Variants in SYNE2 observed in about 807,000 individuals in gnomAD.
The protein encoded by SYNE2 is nesprin-2.
SYNE2 carries 431 observed loss-of-function variants against 856.3 expected under a neutral mutation model. That is an observed-to-expected ratio of 0.50 (90% CI 0.47 to 0.55). SYNE2 has a LOEUF of 0.55. Among genes scored for constraint, SYNE2 ranks in the 20% least tolerant of loss-of-function variants. SYNE2 has a pLI of 0.00. For synonymous variants in SYNE2, 2,923 were observed against 2,872.3 expected (o/e 1.02, Z -0.56); for missense variants, 8,129 against 8,023.2 (o/e 1.01, Z -0.50).
chr14:64,180,936 C>T (rs2098454978), intron 96 of SYNE2, among the ~76,000 whole-genome samples: 1 of 152,078 alleles, frequency 6.6e-6, no homozygotes, highest in South Asian at 2.1e-4. Context: ...ATTGCTGATG[C>T]CTAGAAATGT....
chr14:63,893,374 C>T (rs1007335930), intron 1 of SYNE2, among the ~76,000 whole-genome samples: 18 of 151,906 alleles, frequency 1.2e-4, no homozygotes, highest in Admixed American at 1.1e-3. Context: ...GCCTGGGCAA[C>T]ATTGTGAGAC....
In SYNE2 at chr14:64,075,926, A is replaced by G. The variant is rs367619083; in HGVS notation, c.10867-19A>G. The stretch of plus-strand genomic sequence containing the variant: ...TTCCCCCAGTCTCGTGAGTATTGCA[A>G]CTCTCTTAATGCTTTTAGGAGCTTC... On this transcript the variant is annotated intron_variant, in intron 53 of 115. Transcript: ENST00000555002. 97 of 1,613,152 alleles carry G rather than the reference A, an allele frequency of 6.0e-5. No individual in the cohort carries two copies. The Middle Eastern group carries it at 1.2e-3, about 20-fold the overall frequency.
At chr14:64,023,329 C>G (rs2096951913) in intron 38 of SYNE2, 1 of 160,452 alleles carries the variant, frequency 6.2e-6, no homozygotes. Flanking sequence ...ATAACTTGGC[C>G]TTTTTCCAAA....
intron 32 of SYNE2, among the ~76,000 whole-genome samples, chr14:64,011,829 C>T (rs2096848293): frequency 6.6e-6 from 1 of 152,174 alleles, no homozygotes; most frequent in African/African-American, 2.4e-5. Flanking sequence ...TAATAAACTT[C>T]TTCTTGTCAC....
chr14:63,834,554 C>T (rs1480327822), intron 1 of SYNE2, among the ~76,000 whole-genome samples: 1 of 152,030 alleles, frequency 6.6e-6, no homozygotes, highest in Non-Finnish European at 1.5e-5. Flanking sequence ...TCTCGAACTC[C>T]TGGCCTTAAG....
At chr14:64,081,674 G>A in intron 57 of SYNE2, 94 bp downstream of exon 57, 1 of 1,393,976 alleles carries the variant, frequency 7.2e-7, no homozygotes, top group South Asian at 1.2e-5. Flanking sequence ...CTCCTTTCCT[G>A]AAATACAACC....
intron 51 of SYNE2, among the ~76,000 whole-genome samples, chr14:64,068,705 CA>C (rs529092112): frequency 4.0e-5 from 6 of 150,890 alleles, no homozygotes; most frequent in African/African-American, 1.5e-4. Flanking sequence ...ACTAAAAATA[CA>C]AAAAAAATAG....
In SYNE2 at chr14:63,815,205, C is replaced by CATATATATATGGATATATATAT. The variant is rs1316734811; in HGVS notation, c.-304-37286_-304-37285insGGATATATATATATATATATAT. Among the ~76,000 whole-genome samples the CATATATATATGGATATATATAT allele has an allele frequency of 1.5e-3, 139 of 94,606 alleles. 12 individuals carry two copies. The highest frequency in any genetic ancestry group is 2.4e-3 in the Non-Finnish European group (112 of 46,068). 62.1% of individuals were successfully genotyped at this position (94,606 alleles called of 152,430 possible). ...CCATATATATATCCATATATATATC[C>CATATATATATGGATATATATAT]ATATATATATCCATATATATATCCA... On this transcript the variant is annotated intron_variant, in intron 1 of 23. Coordinates refer to the SYNE2 transcript ENST00000674003.
At chr14:63,953,662 A>C (rs1467060254) in intron 7 of SYNE2, among the ~76,000 whole-genome samples, 1 of 152,192 alleles carries the variant, frequency 6.6e-6, no homozygotes, top group African/African-American at 2.4e-5. Flanking sequence ...AACTACATTC[A>C]TATTGTTGTG....
rs71444641 is a variant in SYNE2, at chr14:64,049,429, A to AAATAATAATAATAAT, written c.7378-166_7378-152dup. ...ACCCTGCACTCCAGCCTGGGTGACA[A>AAATAATAATAATAAT]AATAATAATAATAATAATAATAATA... On this transcript the variant is annotated intron_variant, in intron 46 of 115. Transcript: ENST00000555002. The AAATAATAATAATAAT allele has an allele frequency of 6.7e-3, 1,138 of 169,686 alleles. 12 individuals carry two copies. The highest frequency in any genetic ancestry group is 0.027 in the African/African-American group (1,027 of 38,696). The allele number at this position is 169,686 out of a possible 1,614,324, so 10.5% of individuals were successfully genotyped here.
chr14:64,080,577 C>T lies in SYNE2; in HGVS notation c.11285C>T (p.Pro3762Leu). The change falls in exon 56 of 116, where the codon CCT (proline) becomes CTT (leucine). Residue 3762 changes from proline to leucine, a missense_variant. This residue lies in a region of SYNE2 where 5,410 missense variants were observed against 5,284.8 expected (regional missense o/e 1.02). Coordinates refer to ENST00000555002, the MANE Select transcript of SYNE2 (RefSeq NM_182914.3). ...AQEWMDNLMI[P>L]FQQYQQVSQR... ...GAATGGATGGATAACTTGATGATTC[C>T]TTTCCAGCAGTATCAGCAAGTATCA... 1 of 1,614,172 alleles carries T rather than the reference C, an allele frequency of 6.2e-7. No homozygotes were observed. Among genetic ancestry groups the T allele is most frequent in the Non-Finnish European group, 8.5e-7 (1 of 1,180,046 alleles).
At chr14:64,219,107 T>TG (rs1555556080) in intron 109 of SYNE2, 101 bp from the exon 110 acceptor site, 12 of 654,022 alleles carry the variant, frequency 1.8e-5, no homozygotes, top group South Asian at 1.2e-4. Context: ...TTTTTTTGTT[T>TG]TTTTTTTTTT....
rs139340468 is a variant in SYNE2 at position 64,142,016 on chromosome 14, A to G, written c.15234A>G (p.Gln5078=). Residue 5078 remains glutamine, a synonymous_variant, in exon 82 of 116, where the codon CAA becomes CAG. Transcript: ENST00000555002. ...MISWMNNVEH[Q]TSDEDSVHSP... is the part of the protein sequence containing the mutation. ...GCTGGATGAACAATGTGGAGCATCA[A>G]ACTTCAGATGAAGACTCCGTGCATT... 4.3e-5 allele frequency: 69 copies of G among 1,614,044 alleles called. No individual in the cohort carries two copies. The highest frequency in any genetic ancestry group is 5.7e-5 in the Non-Finnish European group (67 of 1,180,026).
chr14:63,973,401 G>A (rs952335676), intron 11 of SYNE2, among the ~76,000 whole-genome samples: 4 of 152,112 alleles, frequency 2.6e-5, no homozygotes, highest in African/African-American at 9.7e-5. Context: ...GGAGGCCGAG[G>A]CGGGCGGATC....
At chr14:63,962,130 T>C (rs2096326240) in intron 9 of SYNE2, among the ~76,000 whole-genome samples, 1 of 152,032 alleles carries the variant, frequency 6.6e-6, no homozygotes, top group African/African-American at 2.4e-5. Flanking sequence ...GATCTTGGCT[T>C]ACAGCAACCT....
chr14:64,033,053 A>G (rs2097054081), intron 45 of SYNE2, among the ~76,000 whole-genome samples: 1 of 152,154 alleles, frequency 6.6e-6, no homozygotes. Flanking sequence ...CTGTGTTCCC[A>G]ACTATTTGGG....
rs141731480 is a variant in SYNE2, at chr14:64,165,435, A to G, written c.16605+25A>G. On this transcript the variant is annotated intron_variant, in intron 90 of 115. Transcript: ENST00000555002. ...GGTATTGCCAATATTTGTCTTTTCT[A>G]AGGGCTTAGACTCACCATAAGGTTA... The G allele has an allele frequency of 2.7e-5, 43 of 1,611,876 alleles. No homozygotes were observed. In the African/African-American group the frequency reaches 4.8e-4, roughly 18 times the overall value.
chr14:64,211,847 T>C, intron 103 of SYNE2, 114 bp from the exon 104 acceptor site: 7 of 1,493,150 alleles, frequency 4.7e-6, no homozygotes, highest in Non-Finnish European at 6.5e-6. Context: ...TAGAGGCAGA[T>C]TTCTCCCTGA....
intron 49 of SYNE2, among the ~76,000 whole-genome samples, chr14:64,056,470 C>A (rs1398361851): frequency 1.3e-5 from 2 of 148,910 alleles, no homozygotes; most frequent in Non-Finnish European, 3.0e-5. Flanking sequence ...TATTGTATTT[C>A]TTCTTTTTTT....
Sources: gnomAD v4.1 joint callset for allele counts (sites outside exome capture counted in the v4.1 genomes callset) on GRCh38, gnomAD v4.1.1 for gene constraint, gnomAD v4.1.1 regional missense constraint, MANE v1.5 for transcripts, NCBI Gene and HGNC (gene_info 2026-07-23, HGNC 2026-07-21) for gene names.